The following MCU variants were observed in gnomAD, a reference collection of about 807,000 sequenced individuals.
The protein encoded by MCU is calcium uniporter protein, mitochondrial.
In MCU, 12 loss-of-function variants were observed where a neutral mutation model predicts 45.2. The observed-to-expected ratio is 0.27, with a 90% CI of 0.17 to 0.43. MCU has a LOEUF of 0.43. MCU is among the 20% of genes least tolerant of loss of function. MCU has a pLI of 1.00. For synonymous variants in MCU, 160 were observed against 165.1 expected, an observed-to-expected ratio of 0.97 and a Z score of 0.24; for missense variants, 324 against 436.7, an observed-to-expected ratio of 0.74 and a Z score of 2.30.
chr10:72,829,676 A>ACAAGGCCC (rs1844851709), intron 1 of MCU, among the ~76,000 whole-genome samples: 3 of 151,526 alleles, frequency 2.0e-5, no homozygotes, highest in African/African-American at 7.3e-5. Flanking sequence ...TTTTCTTGTG[A>ACAAGGCCC]CATGTTAAAA....
intron 1 of MCU, among the ~76,000 whole-genome samples, chr10:72,727,476 T>C (rs1843116532): frequency 6.6e-6 from 1 of 152,210 alleles, no homozygotes; most frequent in Admixed American, 6.5e-5. Flanking sequence ...CTTTGGAAGA[T>C]ACATCTCTGC....
intron 2 of MCU, among the ~76,000 whole-genome samples, chr10:72,841,705 T>C (rs1204065887): frequency 6.6e-6 from 1 of 152,206 alleles, no homozygotes; most frequent in Admixed American, 6.5e-5. Flanking sequence ...AGAAAGCAGC[T>C]CCACCCATTG....
intron 1 of MCU, chr10:72,767,135 T>C (rs1357950905): frequency 6.6e-6 from 1 of 152,220 alleles, no homozygotes; most frequent in Admixed American, 6.6e-5. Flanking sequence ...AATTATGATT[T>C]ATTTGTCTTT....
At position 72,877,071 on chromosome 10, in the gene MCU, G is replaced by A. The variant is rs187429361; in HGVS notation, c.861+5491G>A. Among the ~76,000 whole-genome samples the A allele has an allele frequency of 7.1e-3, 1,081 of 152,086 alleles. 8 individuals carry two copies. Among genetic ancestry groups the A allele is most frequent in the Non-Finnish European group, 0.01 (693 of 67,996 alleles). On this transcript the variant is annotated intron_variant, in intron 6 of 7. Coordinates refer to ENST00000373053, the MANE Select transcript of MCU (RefSeq NM_138357.3). ...TGAGTACCTGAGACCATAGGCATGT[G>A]CCACCATGCCCAGCTAATTTTTTAA...
At chr10:72,786,183 G>A (rs759502625) in intron 1 of MCU, among the ~76,000 whole-genome samples, 13 of 152,112 alleles carry the variant, frequency 8.5e-5, no homozygotes, top group Non-Finnish European at 1.6e-4. Context: ...CTAGCTGTTT[G>A]TGGAATTCTG....
chr10:72,809,990 G>T (rs1362567512), intron 1 of MCU, among the ~76,000 whole-genome samples: 2 of 147,252 alleles, frequency 1.4e-5, no homozygotes, highest in Non-Finnish European at 3.1e-5. Context: ...ATTAGTGAAG[G>T]CAGGCTTCTG....
chr10:72,814,554 T>TA lies in MCU; in HGVS notation c.151-19797dup, dbSNP rs985297670. On this transcript the variant is annotated intron_variant, in intron 1 of 7. Transcript: ENST00000373053. ...TCTTCCTTTCTTTTTTGAAACTCAC[T>TA]AAAAAAAAGACAGGAAAATAGAAAA... Among the ~76,000 whole-genome samples, 9 of 151,642 alleles carry TA rather than the reference T, an allele frequency of 5.9e-5. No individual in the cohort carries two copies. In the South Asian group the frequency reaches 1.5e-3, roughly 25 times the overall value.
At chr10:72,720,760 AGTG>A (rs1180642187) in intron 1 of MCU, among the ~76,000 whole-genome samples, 1 of 152,208 alleles carries the variant, frequency 6.6e-6, no homozygotes. Flanking sequence ...TATTCTCTGC[AGTG>A]TCTTATAATA....
intron 1 of MCU, among the ~76,000 whole-genome samples, chr10:72,732,037 A>G (rs1055735597): frequency 6.6e-6 from 1 of 152,234 alleles, no homozygotes; most frequent in African/African-American, 2.4e-5. Flanking sequence ...AACATTTCTC[A>G]AAGTGGCTCT....
chr10:72,849,960 C>G (rs1845182729), intron 2 of MCU, among the ~76,000 whole-genome samples: 1 of 149,612 alleles, frequency 6.7e-6, no homozygotes, highest in South Asian at 2.1e-4. Flanking sequence ...GTTGCCCAGG[C>G]TGGAGTGCAG....
At chr10:72,701,172 G>A (rs1842754515) in intron 1 of MCU, among the ~76,000 whole-genome samples, 2 of 152,210 alleles carry the variant, frequency 1.3e-5, no homozygotes, top group Non-Finnish European at 2.9e-5. Context: ...TAATAAGAGA[G>A]CATATAGGTT....
intron 1 of MCU, among the ~76,000 whole-genome samples, chr10:72,804,097 CA>C (rs1181673546): frequency 1.1e-4 from 5 of 47,032 alleles, no homozygotes; most frequent in African/African-American, 2.7e-4. Context: ...CAACAATTTA[CA>C]TTTTTTTTTT....
At chr10:72,805,069 C>T (rs1289893061) in intron 1 of MCU, among the ~76,000 whole-genome samples, 4 of 147,612 alleles carry the variant, frequency 2.7e-5, no homozygotes, top group Non-Finnish European at 6.0e-5. Context: ...CTCACCTGGC[C>T]CTAGTTTGTT....
chr10:72,810,037 C>T (rs184679038), intron 1 of MCU, among the ~76,000 whole-genome samples: 9 of 151,298 alleles, frequency 5.9e-5, no homozygotes, highest in African/African-American at 1.2e-4. Flanking sequence ...TGTGTGTGCG[C>T]GTGAACATAT....
Position 72,812,281 on chromosome 10 carries a change from G to A in MCU, c.151-22078G>A, listed in dbSNP as rs577038942. 4.6e-5 allele frequency among the ~76,000 whole-genome samples: 7 copies of A among 152,190 alleles called. No homozygotes were observed. In the East Asian group the frequency reaches 1.4e-3, roughly 29 times the overall value. On this transcript the variant is annotated intron_variant, in intron 1 of 7. Coordinates refer to ENST00000373053, the MANE Select transcript of MCU (RefSeq NM_138357.3). Reference sequence around the variant, plus strand: ...CTGTCTCAGCCTCCCGAGTAGCTGGGATTGCAGACATCTGCCACCATGCCC... The same window carrying A: ...CTGTCTCAGCCTCCCGAGTAGCTGGAATTGCAGACATCTGCCACCATGCCC...
chr10:72,699,442 G>C (rs1025015315), intron 1 of MCU, among the ~76,000 whole-genome samples: 2 of 152,026 alleles, frequency 1.3e-5, no homozygotes, highest in Non-Finnish European at 2.9e-5. Context: ...GGGAGACGGA[G>C]GTTGCAGTGA....
At chr10:72,739,616 C>A (rs1337301983) in intron 1 of MCU, among the ~76,000 whole-genome samples, 1 of 152,006 alleles carries the variant, frequency 6.6e-6, no homozygotes, top group Non-Finnish European at 1.5e-5. Flanking sequence ...AGGGGTACCG[C>A]TTTAGGGGTA....
intron 1 of MCU, 86 bp from the exon 2 acceptor site, chr10:72,834,273 A>G (rs1165170278): frequency 4.7e-6 from 4 of 852,650 alleles, no homozygotes; most frequent in Admixed American, 2.6e-5. Context: ...TTAAGTAATC[A>G]TATGTATATA....
chr10:72,760,261 G>C (rs1489201481), intron 1 of MCU, among the ~76,000 whole-genome samples: 2 of 151,846 alleles, frequency 1.3e-5, no homozygotes, highest in Non-Finnish European at 2.9e-5. Context: ...ATATTGCTCA[G>C]GCTGCTCTTG....
Sources: allele counts gnomAD v4.1 joint callset (sites outside exome capture counted in the v4.1 genomes callset), GRCh38; gene constraint gnomAD v4.1.1; transcripts MANE v1.5; gene names NCBI Gene and HGNC (gene_info 2026-07-23, HGNC 2026-07-21).